Variants in SOX7 observed in about 807,000 individuals in gnomAD.
The protein encoded by SOX7 is SRY-box transcription factor 7.
Under a neutral mutation model 24.9 loss-of-function variants are expected in SOX7, and 19 were observed. The ratio of observed to expected loss-of-function variants is 0.76; its 90% confidence interval spans 0.53 to 1.12. The LOEUF is 1.12. Ranked by LOEUF, SOX7 falls within the 50% of genes most tolerant of loss-of-function variation. The pLI, the probability that SOX7 is intolerant of heterozygous loss-of-function variation, is 0.00. For synonymous variants in SOX7, 327 were observed against 244.5 expected (o/e 1.34, Z -3.15); for missense variants, 702 against 535.0 (o/e 1.31, Z -3.08).
At position 10,725,611 on chromosome 8, in the gene SOX7, G is replaced by A. The variant is rs1000691777; in HGVS notation, c.*127C>T. On this transcript the variant is annotated 3_prime_UTR_variant, in exon 2 of 2. Coordinates refer to ENST00000304501, the MANE Select transcript of SOX7 (RefSeq NM_031439.4). ...GTCCAGCTTAGGCCAAAGGCTCTGGGGCCGCAGTTCAGACCTCCCTGCCCT... is the reference window on the plus strand; with the variant it reads ...GTCCAGCTTAGGCCAAAGGCTCTGGAGCCGCAGTTCAGACCTCCCTGCCCT... 5 of 968,616 alleles carry A rather than the reference G, an allele frequency of 5.2e-6. No homozygotes were observed. In the East Asian group the frequency reaches 1.3e-4, roughly 25 times the overall value. 60.0% of individuals were successfully genotyped at this position (968,616 alleles called of 1,614,324 possible).
chr8:10,730,478 G>T lies in SOX7; in HGVS notation c.-45C>A. ...CGCTTCGCCTGGCGGGGCAGGCGCG[G>T]ACCTGGCCCTCGCACGGGTCGGGGC... On this transcript the variant is annotated 5_prime_UTR_variant, in exon 1 of 2. Coordinates refer to ENST00000304501, the MANE Select transcript of SOX7 (RefSeq NM_031439.4). The surrounding 1 kb of genome is among the most constrained non-coding windows in gnomAD (Gnocchi z 4.8). 3 of 1,342,554 alleles carry T rather than the reference G, an allele frequency of 2.2e-6. No individual in the cohort carries two copies. The highest frequency in any genetic ancestry group is 1.6e-5 in the South Asian group (1 of 60,760). 83.2% of individuals were successfully genotyped at this position (1,342,554 alleles called of 1,614,324 possible). A position where few individuals can be genotyped will look rare whatever the true frequency, so the allele number is the denominator to read the frequency against.
At chr8:10,727,916 A>T (rs912097688) in intron 1 of SOX7, among the ~76,000 whole-genome samples, 3 of 152,208 alleles carry the variant, frequency 2.0e-5, no homozygotes, top group Admixed American at 2.0e-4. Context: ...GCCTCCGTTG[A>T]CTGGCTCCTT....
chr8:10,726,352 C>G lies in SOX7; in HGVS notation c.553G>C (p.Gly185Arg), dbSNP rs777811689. The G allele has an allele frequency of 2.9e-5, 46 of 1,612,666 alleles. No individual in the cohort carries two copies. In the South Asian group the frequency reaches 4.9e-4, roughly 17 times the overall value. Residue 185 changes from glycine to arginine, a missense_variant, in exon 2 of 2, where the codon GGT (glycine) becomes CGT (arginine). Coordinates refer to ENST00000304501, the MANE Select transcript of SOX7 (RefSeq NM_031439.4). ...RGCYHEGPAG[G>R]GGGGTPSSVD... The stretch of plus-strand genomic sequence containing the variant: ...CTGCTCGGGGTGCCGCCGCCGCCAC[C>G]ACCAGCCGGCCCCTCGTGGTAGCAG...
At chr8:10,727,010 T>G (rs1396261022) in intron 1 of SOX7, among the ~76,000 whole-genome samples, 1 of 152,208 alleles carries the variant, frequency 6.6e-6, no homozygotes, top group Non-Finnish European at 1.5e-5. Flanking sequence ...AGAAAATATC[T>G]AATGATCACG....
intron 1 of SOX7, among the ~76,000 whole-genome samples, chr8:10,727,142 G>A (rs1403007956): frequency 2.0e-5 from 3 of 152,082 alleles, no homozygotes; most frequent in African/African-American, 7.2e-5. Context: ...TTTACCTATG[G>A]CATAAATCTC....
rs1290252564 is a variant in SOX7, at chr8:10,726,165, G to C, written c.740C>G (p.Ala247Gly). 1 of 1,605,768 alleles carries C rather than the reference G, an allele frequency of 6.2e-7. No homozygotes were observed. The highest frequency in any genetic ancestry group is 1.7e-5 in the Admixed American group (1 of 59,488). ...GTGGCTACAGTGGAGAGGGCTTGGG[G>C]CGTACTCCGGTGAGTACGGGTGCCC... is the stretch of plus-strand genomic sequence containing the variant. ...LPGHPYSPEY[A>G]PSPLHCSHPL... Residue 247 changes from alanine (A) to glycine (G), a missense_variant, in exon 2 of 2, where the codon GCC (alanine) becomes GGC (glycine). Ala to Gly is a moderately conservative substitution (Grantham distance 60). Coordinates refer to ENST00000304501, the MANE Select transcript of SOX7 (RefSeq NM_031439.4).
rs1373830233 is a variant in SOX7, at chr8:10,730,233, G to A, written c.201C>T (p.Asn67=). The change falls in exon 1 of 2, where the codon AAC becomes AAT. Residue 67 remains asparagine (N), a synonymous_variant. Transcript: ENST00000304501. This position sits in a 1 kb window ranked among gnomAD's most constrained non-coding sequence, Gnocchi z 4.8. Reference sequence around the variant, plus strand: ...TGAGCTCGGCGTTGTGCAGGTCCGGGTTCTGCACTGCCAGCCGTTTCCTCT... The same window carrying A: ...TGAGCTCGGCGTTGTGCAGGTCCGGATTCTGCACTGCCAGCCGTTTCCTCT... ...KDERKRLAVQ[N]PDLHNAELSK... 1 of 1,569,074 alleles carries A rather than the reference G, an allele frequency of 6.4e-7. No individual in the cohort carries two copies. Among genetic ancestry groups the A allele is most frequent in the Middle Eastern group, 1.7e-4 (1 of 5,920 alleles).
rs1312905366 is a variant in SOX7, at chr8:10,726,074, A to G, written c.831T>C (p.Cys277=). ...GVSMMSPVPG[C]PPSPAYYSPA... is the part of the protein sequence containing the mutation. ...GGGAGTAATAGGCAGGAGATGGGGG[A>G]CAGCCGGGTACAGGGGACATCATGG... Residue 277 remains cysteine (C), a synonymous_variant, in exon 2 of 2, where the codon TGT becomes TGC. Transcript: ENST00000304501. The G allele has an allele frequency of 1.3e-6, 2 of 1,561,632 alleles. No individual in the cohort carries two copies. The highest frequency in any genetic ancestry group is 2.5e-5 in the South Asian group (2 of 81,102).
At position 10,730,144 on chromosome 8, in the gene SOX7, C is replaced by CG; in HGVS notation, c.238+51dup. 4.8e-5 allele frequency: 62 copies of CG among 1,303,144 alleles called. No homozygotes were observed. Among genetic ancestry groups the CG allele is most frequent in the Middle Eastern group, 2.9e-4 (1 of 3,506 alleles). The allele number at this position is 1,303,144 out of a possible 1,614,324, so 80.7% of individuals were successfully genotyped here. ...GCACCCGCCCTGCAGTGCCGCCAGC[C>CG]GCCCGCCGCCCGCCCCCGGCCCCCA... is the stretch of plus-strand genomic sequence containing the variant. On this transcript the variant is annotated intron_variant, in intron 1 of 1. Transcript: ENST00000304501. The surrounding 1 kb of genome is among the most constrained non-coding windows in gnomAD (Gnocchi z 4.8).
At chr8:10,727,438 T>C (rs985484579) in intron 1 of SOX7, among the ~76,000 whole-genome samples, 6 of 152,252 alleles carry the variant, frequency 3.9e-5, no homozygotes, top group Non-Finnish European at 7.3e-5. Flanking sequence ...CAGATCTCCA[T>C]GCAGAAGCCA....
chr8:10,730,266 G>C lies in SOX7; in HGVS notation c.168C>G (p.Ala56=). 1 of 1,580,422 alleles carries C rather than the reference G, an allele frequency of 6.3e-7. No individual in the cohort carries two copies. The highest frequency in any genetic ancestry group is 8.6e-7 in the Non-Finnish European group (1 of 1,165,022). ...RRPMNAFMVW[A]KDERKRLAVQ... is the part of the protein sequence containing the mutation. The stretch of plus-strand genomic sequence containing the variant: ...CTGCCAGCCGTTTCCTCTCGTCCTT[G>C]GCCCAAACCATGAAGGCGTTCATGG... The change falls in exon 1 of 2, where the codon GCC becomes GCG. Residue 56 remains alanine, a synonymous_variant. Transcript: ENST00000304501. The surrounding 1 kb of genome is among the most constrained non-coding windows in gnomAD (Gnocchi z 4.8).
chr8:10,726,089 G>C lies in SOX7; in HGVS notation c.816C>G (p.Ser272=), dbSNP rs772525237. 8 of 1,565,088 alleles carry C rather than the reference G, an allele frequency of 5.1e-6. No homozygotes were observed. The highest frequency in any genetic ancestry group is 1.4e-5 in the African/African-American group (1 of 73,888). The stretch of plus-strand genomic sequence containing the variant: ...GAGATGGGGGACAGCCGGGTACAGG[G>C]GACATCATGGAGACGCCGGGGGACT... ...LGQSPGVSMM[S]PVPGCPPSPA... Residue 272 remains serine, a synonymous_variant, in exon 2 of 2, where the codon TCC becomes TCG. Coordinates refer to ENST00000304501, the MANE Select transcript of SOX7 (RefSeq NM_031439.4).
chr8:10,728,936 C>T (rs1195129471), intron 1 of SOX7, among the ~76,000 whole-genome samples: 3 of 152,222 alleles, frequency 2.0e-5, no homozygotes, highest in Admixed American at 6.5e-5. Flanking sequence ...TACATATTAA[C>T]ACATTTGTCT....
chr8:10,729,523 C>A (rs1052459198), intron 1 of SOX7: 3 of 152,176 alleles, frequency 2.0e-5, no homozygotes, highest in Admixed American at 6.5e-5. Context: ...CCAGTCCCTG[C>A]GGGGACAGCT....
rs768027133 is a variant in SOX7, at chr8:10,730,331, G to A, written c.103C>T (p.Pro35Ser). The change falls in exon 1 of 2, where the codon CCC becomes TCC. Residue 35 changes from proline to serine, a missense_variant. Coordinates refer to ENST00000304501, the MANE Select transcript of SOX7 (RefSeq NM_031439.4). This position sits in a 1 kb window ranked among gnomAD's most constrained non-coding sequence, Gnocchi z 4.8. ...DGQSPPAVPR[P>S]PGDKGSESRI... The stretch of plus-strand genomic sequence containing the variant: ...CTCTCGGAGCCCTTGTCCCCCGGGG[G>A]CCGGGGGACGGCCGGCGGCGATTGT... 1 of 1,568,266 alleles carries A rather than the reference G, an allele frequency of 6.4e-7. No individual in the cohort carries two copies. Among genetic ancestry groups the A allele is most frequent in the Non-Finnish European group, 8.6e-7 (1 of 1,161,068 alleles).
At position 10,725,846 on chromosome 8, in the gene SOX7, C is replaced by T. The variant is rs1800135980; in HGVS notation, c.1059G>A (p.Gly353=). 1.2e-6 allele frequency: 2 copies of T among 1,614,084 alleles called. No individual in the cohort carries two copies. The highest frequency in any genetic ancestry group is 1.7e-6 in the Non-Finnish European group (2 of 1,180,042). Residue 353 remains glycine, a synonymous_variant, in exon 2 of 2, where the codon GGG becomes GGA. Transcript: ENST00000304501. ...GTGTCACCTGGGAGACCGGAACATG[C>T]CCACTGAGGGCCATGGCCCCTGTGG... ...DSATGAMALS[G]HVPVSQVTPT...
rs1235761583 is a variant in SOX7 at position 10,726,211 on chromosome 8, G to C, written c.694C>G (p.Arg232Gly). 4 of 1,611,708 alleles carry C rather than the reference G, an allele frequency of 2.5e-6. No individual in the cohort carries two copies. Among genetic ancestry groups the C allele is most frequent in the Non-Finnish European group, 3.4e-6 (4 of 1,178,454 alleles). The change falls in exon 2 of 2, where the codon CGC (arginine) becomes GGC (glycine). Residue 232 changes from arginine to glycine, a missense_variant. Transcript: ENST00000304501. ...SPCQEEHGHP[R>G]RIPHLPGHPY... The stretch of plus-strand genomic sequence containing the variant: ...TGCCCTGGCAGGTGGGGGATGCGGC[G>C]GGGATGGCCATGCTCCTCCTGGCAG...
rs181566199 is a variant in SOX7 at position 10,725,675 on chromosome 8, T to G, written c.*63A>C. On this transcript the variant is annotated 3_prime_UTR_variant, in exon 2 of 2. Coordinates refer to ENST00000304501, the MANE Select transcript of SOX7 (RefSeq NM_031439.4). ...AAAGCTGGTGTGGCTGGACGGCTCCTCTGCCACTCAAGGCACAAGAAGGAG... is the reference window on the plus strand; with the variant it reads ...AAAGCTGGTGTGGCTGGACGGCTCCGCTGCCACTCAAGGCACAAGAAGGAG... 13 of 1,573,962 alleles carry G rather than the reference T, an allele frequency of 8.3e-6. No homozygotes were observed. The highest frequency in any genetic ancestry group is 1.1e-5 in the Non-Finnish European group (13 of 1,149,320).
chr8:10,730,372 G>A lies in SOX7; in HGVS notation c.62C>T (p.Ala21Val). 2.6e-6 allele frequency: 4 copies of A among 1,551,768 alleles called. No individual in the cohort carries two copies. Among genetic ancestry groups the A allele is most frequent in the Non-Finnish European group, 3.5e-6 (4 of 1,153,766 alleles). ...CGGCGATTGTCCATCCGACAGCTCG[G>A]CGTCCAGGGCCGGGCACTCGAGACC... is the stretch of plus-strand genomic sequence containing the variant. ...PEGLECPALD[A>V]ELSDGQSPPA... The change falls in exon 1 of 2, where the codon GCC becomes GTC. Residue 21 changes from alanine (A) to valine (V), a missense_variant. By Grantham distance (64) the Ala-to-Val change is moderately conservative. Coordinates refer to ENST00000304501, the MANE Select transcript of SOX7 (RefSeq NM_031439.4). This position sits in a 1 kb window ranked among gnomAD's most constrained non-coding sequence, Gnocchi z 4.8.
Sources: gnomAD v4.1 joint callset for allele counts (sites outside exome capture counted in the v4.1 genomes callset) on GRCh38, gnomAD v4.1.1 for gene constraint, Gnocchi (gnomAD v3.1) non-coding constraint, MANE v1.5 for transcripts, NCBI Gene and HGNC (gene_info 2026-07-23, HGNC 2026-07-21) for gene names.